The following SHC3 variants were observed in gnomAD, a reference collection of about 807,000 sequenced individuals.
The protein encoded by SHC3 is SHC adaptor protein 3.
A neutral mutation model predicts 60.4 loss-of-function variants in SHC3; 15 were observed. That is an observed-to-expected ratio of 0.25 (90% CI 0.17 to 0.38). The LOEUF (loss-of-function observed/expected upper bound fraction) is 0.38, where lower values mean the gene tolerates loss of function less well. Ranked by LOEUF, SHC3 falls within the 10% of genes least tolerant of loss-of-function variation. SHC3 has a pLI of 1.00. For missense variants in SHC3, 677 were observed against 786.1 expected, an observed-to-expected ratio of 0.86 and a Z score of 1.66; for synonymous variants, 294 against 325.9, an observed-to-expected ratio of 0.90 and a Z score of 1.05.
intron 6 of SHC3, among the ~76,000 whole-genome samples, chr9:89,054,184 G>A (rs1161476778): frequency 6.6e-6 from 1 of 152,178 alleles, no homozygotes; most frequent in Admixed American, 6.5e-5. Flanking sequence ...GCCTCTGTGG[G>A]AAAGGTCCAG....
At chr9:89,023,335 C>T (rs1226860075) in intron 11 of SHC3, among the ~76,000 whole-genome samples, 1 of 152,210 alleles carries the variant, frequency 6.6e-6, no homozygotes, top group African/African-American at 2.4e-5. Context: ...ATCAAAGCTG[C>T]CAGCAGCTCA....
chr9:89,155,518 C>A (rs1351575342), intron 1 of SHC3, among the ~76,000 whole-genome samples: 1 of 152,158 alleles, frequency 6.6e-6, no homozygotes, highest in Admixed American at 6.5e-5. Flanking sequence ...CTTCCAGCTC[C>A]ATTCCATATG....
intron 1 of SHC3, among the ~76,000 whole-genome samples, chr9:89,164,288 G>C (rs1423736524): frequency 2.0e-5 from 3 of 152,188 alleles, no homozygotes; most frequent in Admixed American, 2.0e-4. Context: ...ACCCTGAGCA[G>C]AGGGCACCAG....
intron 10 of SHC3, among the ~76,000 whole-genome samples, chr9:89,040,165 T>TCAGCAC (rs1824656024): frequency 1.3e-4 from 2 of 15,738 alleles, no homozygotes; most frequent in Non-Finnish European, 2.8e-4. Context: ...ATCATCACCA[T>TCAGCAC]CATCATCACT....
At chr9:89,068,458 C>T (rs113798586) in intron 5 of SHC3, among the ~76,000 whole-genome samples, 1,980 of 152,136 alleles carry the variant, frequency 0.013, 53 homozygotes, top group African/African-American at 0.045. Flanking sequence ...AAAATGTCTA[C>T]CAATTATAAT....
At chr9:89,063,683 G>A (rs1294078930) in intron 6 of SHC3, among the ~76,000 whole-genome samples, 1 of 152,244 alleles carries the variant, frequency 6.6e-6, no homozygotes. Flanking sequence ...AGACTCTCTA[G>A]CTAAAGACCA....
chr9:89,046,878 A>C lies in SHC3; in HGVS notation c.1079T>G (p.Leu360Arg). ...GTCAGGAGCATGGGGTCTGGGTTTC[A>C]GTCTAGTATCAAGAAAGCCCCCTGG... The part of the protein sequence containing the change: ...PPPGGFLDTR[L>R]KPRPHAPDTA... The change falls in exon 8 of 12, where the codon CTG becomes CGG. Residue 360 changes from leucine (L) to arginine (R), a missense_variant. Transcript: ENST00000375835. The C allele has an allele frequency of 1.2e-6, 2 of 1,608,006 alleles. No individual in the cohort carries two copies. The highest frequency in any genetic ancestry group is 1.7e-6 in the Non-Finnish European group (2 of 1,177,322).
At chr9:89,065,605 A>T in intron 5 of SHC3, 25 bp from the exon 6 acceptor site, 2 of 1,612,616 alleles carry the variant, frequency 1.2e-6, no homozygotes, top group East Asian at 2.2e-5. Context: ...AGAGATGTCT[A>T]TGTCACTAAT....
At chr9:89,094,849 A>G (rs190233697) in intron 2 of SHC3, among the ~76,000 whole-genome samples, 40 of 152,290 alleles carry the variant, frequency 2.6e-4, no homozygotes, top group Non-Finnish European at 5.0e-4. Context: ...GTAAAGCAAA[A>G]CATGATTCAA....
intron 1 of SHC3, among the ~76,000 whole-genome samples, chr9:89,173,498 G>A (rs1826899315): frequency 6.6e-6 from 1 of 152,250 alleles, no homozygotes; most frequent in African/African-American, 2.4e-5. Context: ...TTTTGTCGTA[G>A]CTTATCTTTT....
At chr9:89,016,430 T>C (rs746491392) in intron 11 of SHC3, among the ~76,000 whole-genome samples, 2 of 151,982 alleles carry the variant, frequency 1.3e-5, no homozygotes, top group Non-Finnish European at 2.9e-5. Flanking sequence ...ATAATCTAAA[T>C]TAAAAAATTC....
At position 89,024,250 on chromosome 9, in the gene SHC3, G is replaced by A. The variant is rs530784023; in HGVS notation, c.1657-10675C>T. ...CCTGGGTGCACAAGCAGCATCCTGT[G>A]CATCTTATTTATTTATGGATTTGTT... On this transcript the variant is annotated intron_variant, in intron 11 of 11. Coordinates refer to ENST00000375835, the MANE Select transcript of SHC3 (RefSeq NM_016848.6). 1.8e-4 allele frequency among the ~76,000 whole-genome samples: 28 copies of A among 152,260 alleles called. 1 individual carries two copies. The South Asian group carries it at 3.9e-3, about 21-fold the overall frequency.
rs537628722 is a variant in SHC3 at position 89,040,962 on chromosome 9, C to T, written c.1360+1064G>A. On this transcript the variant is annotated intron_variant, in intron 10 of 11. Coordinates refer to ENST00000375835, the MANE Select transcript of SHC3 (RefSeq NM_016848.6). Reference sequence around the variant, plus strand: ...CACAGATATTGGACCAGCAAGGCTGCCTTTCACAAATGATAAAGTTAGTTA... The same window carrying T: ...CACAGATATTGGACCAGCAAGGCTGTCTTTCACAAATGATAAAGTTAGTTA... 3.2e-4 allele frequency among the ~76,000 whole-genome samples: 48 copies of T among 152,326 alleles called. No homozygotes were observed. The South Asian group carries it at 9.7e-3, about 31-fold the overall frequency.
intron 1 of SHC3, among the ~76,000 whole-genome samples, chr9:89,130,457 T>G (rs1826228072): frequency 6.6e-6 from 1 of 152,196 alleles, no homozygotes. Context: ...ATCAACAGAA[T>G]ATACATTCTT....
At chr9:89,072,287 G>A (rs1007538839) in intron 4 of SHC3, among the ~76,000 whole-genome samples, 3 of 152,128 alleles carry the variant, frequency 2.0e-5, no homozygotes, top group Non-Finnish European at 2.9e-5. Flanking sequence ...GGCCCACCCC[G>A]AGGCCAGGGT....
At chr9:89,051,084 C>A (rs559509160) in intron 7 of SHC3, among the ~76,000 whole-genome samples, 1 of 151,938 alleles carries the variant, frequency 6.6e-6, no homozygotes, top group Non-Finnish European at 1.5e-5. Flanking sequence ...CTTTGAAGAA[C>A]GGCAAAGACT....
chr9:89,155,287 C>G (rs944200046), intron 1 of SHC3, among the ~76,000 whole-genome samples: 1 of 152,196 alleles, frequency 6.6e-6, no homozygotes, highest in African/African-American at 2.4e-5. Context: ...TTGCATTCTA[C>G]CCGATGCCAC....
At chr9:89,030,615 A>G (rs1233745717) in intron 11 of SHC3, among the ~76,000 whole-genome samples, 1 of 152,226 alleles carries the variant, frequency 6.6e-6, no homozygotes, top group Non-Finnish European at 1.5e-5. Context: ...TAAGGAAGAT[A>G]CAACAGTTAA....
rs1826024568 is a variant in SHC3, at chr9:89,012,436, A to T, written c.*1011T>A. Reference sequence around the variant, plus strand: ...GGTTTCTGGCACATGCAGCCCCAGAAGCCTCAATACCTGAGTCTTCGGGAC... The same window carrying T: ...GGTTTCTGGCACATGCAGCCCCAGATGCCTCAATACCTGAGTCTTCGGGAC... On this transcript the variant is annotated 3_prime_UTR_variant, in exon 12 of 12. Transcript: ENST00000375835. 3 of 152,164 alleles carry T rather than the reference A, an allele frequency of 2.0e-5. No homozygotes were observed. Among genetic ancestry groups the T allele is most frequent in the African/African-American group, 7.2e-5 (3 of 41,420 alleles). The allele number at this position is 152,164 out of a possible 1,614,324, so 9.4% of individuals were successfully genotyped here.
Sources: gnomAD v4.1 joint callset for allele counts (sites outside exome capture counted in the v4.1 genomes callset) on GRCh38, gnomAD v4.1.1 for gene constraint, MANE v1.5 for transcripts, NCBI Gene and HGNC (gene_info 2026-07-23, HGNC 2026-07-21) for gene names.